CSMD1: variants seen among roughly 807,000 people sequenced by gnomAD.
CSMD1 encodes the protein CUB and sushi domain-containing protein 1.
A neutral mutation model predicts 417.5 loss-of-function variants in CSMD1; 213 were observed. That is an observed-to-expected ratio of 0.51 (90% confidence interval 0.46 to 0.57). The LOEUF (loss-of-function observed/expected upper bound fraction) is 0.57, where lower values mean the gene tolerates loss of function less well. CSMD1 is among the 20% of genes least tolerant of loss of function. The probability of loss-of-function intolerance (pLI) is 0.00; values close to 1 mark genes in which losing one functional copy is unlikely to be tolerated. For synonymous variants in CSMD1, 2,862 were observed against 1,736.8 expected, an observed-to-expected ratio of 1.65 and a Z score of -16.11; for missense variants, 6,923 against 4,529.7, an observed-to-expected ratio of 1.53 and a Z score of -15.17.
At chr8:4,737,870 A>G (rs1405133957) in intron 1 of CSMD1, among the ~76,000 whole-genome samples, 1 of 152,204 alleles carries the variant, frequency 6.6e-6, no homozygotes, top group East Asian at 1.9e-4. Context: ...ACCCACAACA[A>G]CAAAGTTAAT....
At chr8:4,048,498 T>G (rs1251281982) in intron 3 of CSMD1, among the ~76,000 whole-genome samples, 1 of 152,150 alleles carries the variant, frequency 6.6e-6, no homozygotes, top group Non-Finnish European at 1.5e-5. Context: ...ATGAACAAAC[T>G]GAGGCAGAAA....
intron 3 of CSMD1, among the ~76,000 whole-genome samples, chr8:4,308,994 A>C (rs1212935166): frequency 1.3e-5 from 2 of 152,166 alleles, no homozygotes; most frequent in African/African-American, 2.4e-5. Context: ...TAATTCCTAA[A>C]ACTAGGTGAG....
At chr8:4,829,558 A>C (rs945013063) in intron 1 of CSMD1, among the ~76,000 whole-genome samples, 2 of 152,076 alleles carry the variant, frequency 1.3e-5, no homozygotes, top group African/African-American at 4.8e-5. Context: ...TCTGGGCAAC[A>C]TGGCAACCTC....
At position 2,937,536 on chromosome 8, in the gene CSMD1, T is replaced by C. The variant is rs1350617973; in HGVS notation, c.*1049A>G. On this transcript the variant is annotated 3_prime_UTR_variant, in exon 70 of 70. Transcript: ENST00000635120. ...TCGACTATCTAAAATAAATTACTAT[T>C]CACAGTTTTACATGGCAAACAGAAA... is the stretch of plus-strand genomic sequence containing the variant. 6.6e-6 allele frequency: 1 copy of C among 152,100 alleles called. No individual in the cohort carries two copies. The highest frequency in any genetic ancestry group is 1.5e-5 in the Non-Finnish European group (1 of 68,032). 9.4% of individuals were successfully genotyped at this position (152,100 alleles called of 1,614,324 possible). A position where few individuals can be genotyped will look rare whatever the true frequency, so the allele number is the denominator to read the frequency against.
chr8:3,256,284 T>G (rs942923683), intron 26 of CSMD1, among the ~76,000 whole-genome samples: 4 of 141,890 alleles, frequency 2.8e-5, no homozygotes, highest in African/African-American at 5.2e-5. Context: ...CTGATATTGT[T>G]TGACAGAGCA....
At chr8:4,075,836 G>A (rs897123339) in intron 3 of CSMD1, among the ~76,000 whole-genome samples, 9 of 152,144 alleles carry the variant, frequency 5.9e-5, no homozygotes, top group Non-Finnish European at 1.0e-4. Flanking sequence ...GAAAAAGGAA[G>A]CAGGCTATTG....
At chr8:4,470,838 G>A (rs1352638511) in intron 2 of CSMD1, among the ~76,000 whole-genome samples, 1 of 152,018 alleles carries the variant, frequency 6.6e-6, no homozygotes, top group Non-Finnish European at 1.5e-5. Flanking sequence ...TTGTCTCTGG[G>A]CTTCTTTGAT....
chr8:4,713,016 G>A (rs911508750), intron 1 of CSMD1, among the ~76,000 whole-genome samples: 1 of 152,218 alleles, frequency 6.6e-6, no homozygotes, highest in Non-Finnish European at 1.5e-5. Context: ...TAGGCTGCCT[G>A]ACTACAAGGT....
intron 1 of CSMD1, among the ~76,000 whole-genome samples, chr8:4,971,643 C>A (rs4541951): frequency 0.51 from 76,864 of 151,158 alleles, 20,104 homozygotes; most frequent in Middle Eastern, 0.62. Flanking sequence ...AATGTATAGT[C>A]TTATTCTTAC....
rs533024867 is a variant in CSMD1, at chr8:4,017,512, G to C, written c.610+14393C>G. On this transcript the variant is annotated intron_variant, in intron 4 of 69. Transcript: ENST00000635120. Reference sequence around the variant, plus strand: ...GTAGAGACGGGGTTTCTCCATGTTGGTCAGGCTGGTCTCGAACTCCCGATC... The same window carrying C: ...GTAGAGACGGGGTTTCTCCATGTTGCTCAGGCTGGTCTCGAACTCCCGATC... Among the ~76,000 whole-genome samples the C allele has an allele frequency of 2.2e-3, 337 of 152,088 alleles. 1 individual carries two copies. The highest frequency in any genetic ancestry group is 4.7e-3 in the Admixed American group (72 of 15,280).
intron 10 of CSMD1, among the ~76,000 whole-genome samples, chr8:3,567,971 G>T (rs1016486728): frequency 1.3e-5 from 2 of 152,126 alleles, no homozygotes; most frequent in East Asian, 3.8e-4. Context: ...GACTGTGCAG[G>T]CATCCAGCAT....
At position 3,142,644 on chromosome 8, in the gene CSMD1, G is replaced by A; in HGVS notation, c.6062C>T (p.Thr2021Ile). The change falls in exon 41 of 70, where the codon ACC becomes ATC. Residue 2021 changes from threonine (T) to isoleucine (I), a missense_variant. Transcript: ENST00000635120. ...GAHIQFLNFSTEANHDFLEIQ... is the reference protein window; with the variant it reads ...GAHIQFLNFSIEANHDFLEIQ... ...TTCAAGGAAGTCATGATTAGCTTCGGTAGAAAAATTCAGAAACTGAATATG... is the reference window on the plus strand; with the variant it reads ...TTCAAGGAAGTCATGATTAGCTTCGATAGAAAAATTCAGAAACTGAATATG... The A allele has an allele frequency of 1.2e-6, 2 of 1,613,862 alleles. No individual in the cohort carries two copies. Among genetic ancestry groups the A allele is most frequent in the African/African-American group, 1.3e-5 (1 of 75,040 alleles).
rs775196963 is a variant in CSMD1, at chr8:3,493,675, G to C, written c.1396C>G (p.Leu466Val). 3.1e-6 allele frequency: 5 copies of C among 1,612,324 alleles called. No individual in the cohort carries two copies. The highest frequency in any genetic ancestry group is 2.2e-5 in the East Asian group (1 of 44,834). ...ACCTTCCCAGCATCACCAACCGTCA[G>C]GGTGTCATAGCCTCGCTCCAGCTCA... is the stretch of plus-strand genomic sequence containing the variant. ...EFELERGYDT[L>V]TVGDAGKVGD... Residue 466 changes from leucine to valine, a missense_variant, in exon 11 of 70, where the codon CTG (leucine) becomes GTG (valine). Coordinates refer to ENST00000635120, the MANE Select transcript of CSMD1 (RefSeq NM_033225.6).
At chr8:3,567,725 G>A (rs13268547) in intron 10 of CSMD1, among the ~76,000 whole-genome samples, 1 of 151,884 alleles carries the variant, frequency 6.6e-6, no homozygotes, top group African/African-American at 2.4e-5. Context: ...TTTCTGGAAC[G>A]TCCAACCTTC....
At chr8:4,324,711 T>A (rs941596367) in intron 3 of CSMD1, among the ~76,000 whole-genome samples, 14 of 152,192 alleles carry the variant, frequency 9.2e-5, no homozygotes, top group Non-Finnish European at 1.9e-4. Context: ...CTGTTTTCCA[T>A]AAGGTGTTGT....
chr8:4,298,551 T>C (rs73502611), intron 3 of CSMD1, among the ~76,000 whole-genome samples: 13,155 of 152,192 alleles, frequency 0.086, 629 homozygotes, highest in South Asian at 0.15. Context: ...AGCAAAATTG[T>C]ACTTGTACCC....
chr8:4,447,109 C>T lies in CSMD1; in HGVS notation c.303-27044G>A, dbSNP rs545431824. Among the ~76,000 whole-genome samples, 3 of 152,202 alleles carry T rather than the reference C, an allele frequency of 2.0e-5. No homozygotes were observed. The South Asian group carries it at 6.2e-4, about 32-fold the overall frequency. The stretch of plus-strand genomic sequence containing the variant: ...GCGTCTCTTTGGGAAAAGGTACTTA[C>T]TTAAATGTACATTTGCAAATAGAAT... On this transcript the variant is annotated intron_variant, in intron 2 of 69. Coordinates refer to ENST00000635120, the MANE Select transcript of CSMD1 (RefSeq NM_033225.6).
At chr8:3,467,781 G>A (rs775717479) in intron 12 of CSMD1, among the ~76,000 whole-genome samples, 2 of 152,124 alleles carry the variant, frequency 1.3e-5, no homozygotes. Flanking sequence ...TGTTGATTTA[G>A]GATTGGTGGA....
intron 1 of CSMD1, among the ~76,000 whole-genome samples, chr8:4,808,050 T>C (rs568098857): frequency 1.3e-5 from 2 of 152,350 alleles, no homozygotes; most frequent in South Asian, 2.1e-4. Context: ...TGGTTGACTT[T>C]TGTAAATAAT....
Sources: gnomAD v4.1 joint callset for allele counts (sites outside exome capture counted in the v4.1 genomes callset) on GRCh38, gnomAD v4.1.1 for gene constraint, MANE v1.5 for transcripts, NCBI Gene and HGNC (gene_info 2026-07-23, HGNC 2026-07-21) for gene names.